LPCAT1: variants seen among roughly 807,000 people sequenced by gnomAD.
LPCAT1 encodes the protein lysophosphatidylcholine acyltransferase 1, also known as 1-acylglycerol-3-phosphate O-acyltransferase.
LPCAT1 carries 23 observed loss-of-function variants against 60.9 expected under a neutral mutation model. The observed-to-expected ratio is 0.38, with a 90% confidence interval of 0.27 to 0.53. LPCAT1 has a LOEUF of 0.53. LPCAT1 is among the 20% of genes least tolerant of loss of function. LPCAT1 has a pLI of 0.82. For missense variants in LPCAT1, 622 were observed against 723.6 expected (o/e 0.86, Z 1.61); for synonymous variants, 340 against 301.1 (o/e 1.13, Z -1.34).
Position 1,463,680 on chromosome 5 carries a change from G to C in LPCAT1, c.1576C>G (p.Arg526Gly). ...DFSPENSDAG[R>G]KPVRKKLD The stretch of plus-strand genomic sequence containing the variant: ...TCCAGCTTCTTGCGAACAGGCTTCC[G>C]CCCAGCGTCTGAGTTTTCCGGGCTG... Residue 526 changes from arginine to glycine, a missense_variant, in exon 14 of 14, where the codon CGG becomes GGG. Physicochemically the swap from Arg to Gly is moderately radical, Grantham distance 125. Coordinates refer to ENST00000283415, the MANE Select transcript of LPCAT1 (RefSeq NM_024830.5). The C allele has an allele frequency of 6.2e-7, 1 of 1,614,244 alleles. No individual in the cohort carries two copies. Among genetic ancestry groups the C allele is most frequent in the Non-Finnish European group, 8.5e-7 (1 of 1,180,044 alleles).
chr5:1,483,205 C>G lies in LPCAT1; in HGVS notation c.726+223G>C, dbSNP rs965023948. Among the ~76,000 whole-genome samples the G allele has an allele frequency of 6.6e-6, 1 of 152,162 alleles. No individual in the cohort carries two copies. The highest frequency in any genetic ancestry group is 6.5e-5 in the Admixed American group (1 of 15,280). Reference sequence around the variant, plus strand: ...GGAATCATGGGGTTGATCAGGGACACGTGCATAGAACAGGCCGCACTCAGG... The same window carrying G: ...GGAATCATGGGGTTGATCAGGGACAGGTGCATAGAACAGGCCGCACTCAGG... On this transcript the variant is annotated intron_variant, in intron 6 of 13. Coordinates refer to ENST00000283415, the MANE Select transcript of LPCAT1 (RefSeq NM_024830.5). This position sits in a 1 kb window ranked among gnomAD's most constrained non-coding sequence, Gnocchi z 9.2.
rs1187891421 is a variant in LPCAT1, at chr5:1,474,643, G to A, written c.942C>T (p.Cys314=). 6.2e-7 allele frequency: 1 copy of A among 1,613,958 alleles called. No homozygotes were observed. The highest frequency in any genetic ancestry group is 1.1e-5 in the South Asian group (1 of 91,050). Reference sequence around the variant, plus strand: ...GCTGTCCTTCCGCCAGGGCCAGCTGGCAGTCCTCGAACGTGTAGTCAGTCA... The same window carrying A: ...GCTGTCCTTCCGCCAGGGCCAGCTGACAGTCCTCGAACGTGTAGTCAGTCA... ...VSVTDYTFED[C]QLALAEGQLR... is the part of the protein sequence containing the mutation. The change falls in exon 10 of 14, where the codon TGC becomes TGT. Residue 314 remains cysteine, a synonymous_variant. Coordinates refer to ENST00000283415, the MANE Select transcript of LPCAT1 (RefSeq NM_024830.5).
intron 11 of LPCAT1, among the ~76,000 whole-genome samples, chr5:1,472,969 T>C (rs1290463221): frequency 1.3e-5 from 2 of 152,094 alleles, no homozygotes; most frequent in Admixed American, 6.5e-5. Context: ...CTCCTTCCCC[T>C]GTCCTGGGTG....
Position 1,475,418 on chromosome 5 carries a change from C to A in LPCAT1, c.900-733G>T, listed in dbSNP as rs916853803. The stretch of plus-strand genomic sequence containing the variant: ...CCTGGCTGGGAGAACCACCCACCTC[C>A]GCCAGCCACACCTGGGGCCATCCCC... On this transcript the variant is annotated intron_variant, in intron 9 of 13. Transcript: ENST00000283415. Among the ~76,000 whole-genome samples, 9 of 152,312 alleles carry A rather than the reference C, an allele frequency of 5.9e-5. No individual in the cohort carries two copies. The South Asian group carries it at 1.4e-3, about 25-fold the overall frequency.
rs184304807 is a variant in LPCAT1, at chr5:1,485,465, G to T, written c.668-1979C>A. 6.0e-4 allele frequency among the ~76,000 whole-genome samples: 92 copies of T among 152,338 alleles called. No homozygotes were observed. The East Asian group carries it at 0.017, about 28-fold the overall frequency. ...AATGCAGGAACAAGGCAGAGGGGAG[G>T]AGGTACGGGCTTCTAAACTGCACAG... On this transcript the variant is annotated intron_variant, in intron 5 of 13. Transcript: ENST00000283415.
At chr5:1,482,322 T>C (rs1253889338) in intron 6 of LPCAT1, among the ~76,000 whole-genome samples, 1 of 146,996 alleles carries the variant, frequency 6.8e-6, no homozygotes, top group African/African-American at 2.6e-5. Context: ...GAACCGGAAG[T>C]ATTCTGAGCA....
intron 5 of LPCAT1, among the ~76,000 whole-genome samples, chr5:1,485,039 T>C (rs1735319407): frequency 6.6e-6 from 1 of 152,034 alleles, no homozygotes; most frequent in Non-Finnish European, 1.5e-5. Context: ...GTGGAGGAAA[T>C]AGTCCTCATT....
At chr5:1,469,235 C>A (rs1362433625) in intron 12 of LPCAT1, among the ~76,000 whole-genome samples, 2 of 152,144 alleles carry the variant, frequency 1.3e-5, no homozygotes, top group Non-Finnish European at 2.9e-5. Flanking sequence ...GCCTGGTTCA[C>A]CTGAGAAAGA....
chr5:1,488,947 C>T (rs993550451), intron 4 of LPCAT1, among the ~76,000 whole-genome samples: 6 of 152,256 alleles, frequency 3.9e-5, no homozygotes, highest in Admixed American at 1.3e-4. Context: ...TCAGGCAGCA[C>T]CCTCCACACC....
chr5:1,508,985 C>T (rs1021608585), intron 1 of LPCAT1, among the ~76,000 whole-genome samples: 3 of 152,278 alleles, frequency 2.0e-5, no homozygotes, highest in African/African-American at 4.8e-5. Context: ...TGCACTCACG[C>T]CATCGCGGTG....
rs185792456 is a variant in LPCAT1 at position 1,498,348 on chromosome 5, C to A, written c.278+3113G>T. ...GTTTCCCTTCAAGCACCAAGCCAAG[C>A]CCAGGACTGTGCACCAAGGGAGCTT... On this transcript the variant is annotated intron_variant, in intron 2 of 13. Coordinates refer to ENST00000283415, the MANE Select transcript of LPCAT1 (RefSeq NM_024830.5). Among the ~76,000 whole-genome samples, 33 of 152,324 alleles carry A rather than the reference C, an allele frequency of 2.2e-4. 1 individual carries two copies. Among genetic ancestry groups the A allele is most frequent in the East Asian group, 1.9e-3 (10 of 5,184 alleles).
chr5:1,471,411 A>C (rs956738975), intron 11 of LPCAT1, among the ~76,000 whole-genome samples: 27 of 152,212 alleles, frequency 1.8e-4, no homozygotes, highest in African/African-American at 6.5e-4. Context: ...CCTCACACCC[A>C]GAGTCTCCAG....
intron 11 of LPCAT1, among the ~76,000 whole-genome samples, chr5:1,473,641 A>AC (rs1314280667): frequency 6.6e-6 from 1 of 152,114 alleles, no homozygotes; most frequent in Non-Finnish European, 1.5e-5. Flanking sequence ...TGAGCAGGGG[A>AC]CCCTGCAGGG....
In LPCAT1 at chr5:1,521,513, C is replaced by T. The variant is rs1736676350; in HGVS notation, c.135+2197G>A. On this transcript the variant is annotated intron_variant, in intron 1 of 13. Coordinates refer to ENST00000283415, the MANE Select transcript of LPCAT1 (RefSeq NM_024830.5). This position sits in a 1 kb window ranked among gnomAD's most constrained non-coding sequence, Gnocchi z 4.3. ...AGAATATATCACATCAAAGTAAAAG[C>T]TTTGCAAAGCAATGCTTGGTGAAAA... 1.0e-6 allele frequency: 1 copy of T among 984,296 alleles called. No individual in the cohort carries two copies. The highest frequency in any genetic ancestry group is 4.7e-5 in the South Asian group (1 of 21,264). The allele number at this position is 984,296 out of a possible 1,614,324, so 61.0% of individuals were successfully genotyped here. A position where few individuals can be genotyped will look rare whatever the true frequency, so the allele number is the denominator to read the frequency against.
intron 9 of LPCAT1, 38 bp from the exon 10 acceptor site, chr5:1,474,723 T>G: frequency 6.3e-7 from 1 of 1,592,228 alleles, no homozygotes; most frequent in Non-Finnish European, 8.6e-7. Flanking sequence ...CCCAGCCTCG[T>G]GGCAGCCAGT....
At chr5:1,518,431 C>T (rs1261316732) in intron 1 of LPCAT1, among the ~76,000 whole-genome samples, 2 of 152,246 alleles carry the variant, frequency 1.3e-5, no homozygotes, top group African/African-American at 2.4e-5. Flanking sequence ...AGCTCCGCCT[C>T]CTGGGTTCAC....
chr5:1,522,122 G>A lies in LPCAT1; in HGVS notation c.135+1588C>T, dbSNP rs1736695290. Among the ~76,000 whole-genome samples, 1 of 152,172 alleles carries A rather than the reference G, an allele frequency of 6.6e-6. No individual in the cohort carries two copies. Among genetic ancestry groups the A allele is most frequent in the Admixed American group, 6.5e-5 (1 of 15,288 alleles). On this transcript the variant is annotated intron_variant, in intron 1 of 13. Coordinates refer to ENST00000283415, the MANE Select transcript of LPCAT1 (RefSeq NM_024830.5). The surrounding 1 kb of genome is among the most constrained non-coding windows in gnomAD (Gnocchi z 6.8). ...ATAGCTGGGGCAGGAGCAGGGCTGG[G>A]GAAGCCCTGGAAACCACAGCAGGGG...
At chr5:1,489,182 A>G (rs1013364371) in intron 4 of LPCAT1, among the ~76,000 whole-genome samples, 4 of 152,244 alleles carry the variant, frequency 2.6e-5, no homozygotes, top group Non-Finnish European at 5.9e-5. Flanking sequence ...TGGAAGTCAC[A>G]GCCCTCTAAG....
At position 1,474,065 on chromosome 5, in the gene LPCAT1, T is replaced by C. The variant is rs781623329; in HGVS notation, c.1071A>G (p.Glu357=). The change falls in exon 11 of 14, where the codon GAA becomes GAG. Residue 357 remains glutamate, a synonymous_variant. Transcript: ENST00000283415. ...KLEKDLDRYS[E]RARMKGGEKI... is the part of the protein sequence containing the mutation. ...TCTCTCCTCCCTTCATCCTGGCTCT[T>C]TCTGAGTATCTGTCCAGATCTTTTT... 2 of 1,614,084 alleles carry C rather than the reference T, an allele frequency of 1.2e-6. No individual in the cohort carries two copies. Among genetic ancestry groups the C allele is most frequent in the Admixed American group, 3.3e-5 (2 of 60,002 alleles).
Sources: gnomAD v4.1 joint callset for allele counts (sites outside exome capture counted in the v4.1 genomes callset) on GRCh38, gnomAD v4.1.1 for gene constraint, Gnocchi (gnomAD v3.1) non-coding constraint, MANE v1.5 for transcripts, NCBI Gene and HGNC (gene_info 2026-07-23, HGNC 2026-07-21) for gene names.